Variants in AIG1 observed in about 807,000 individuals in gnomAD.
AIG1 encodes the protein androgen induced 1, also known as androgen-induced gene 1 protein.
A neutral mutation model predicts 31.4 loss-of-function variants in AIG1; 23 were observed. The observed-to-expected ratio is 0.73, with a 90% CI of 0.53 to 1.04. The LOEUF (loss-of-function observed/expected upper bound fraction) is 1.04. Ranked by LOEUF, AIG1 falls within the 50% of genes least tolerant of loss-of-function variation. The pLI, the probability that AIG1 is intolerant of heterozygous loss-of-function variation, is 0.00. For synonymous variants in AIG1, 100 were observed against 110.5 expected (o/e 0.90, Z 0.60); for missense variants, 274 against 295.0 (o/e 0.93, Z 0.52).
chr6:143,147,620 C>T (rs1784823159), intron 2 of AIG1, among the ~76,000 whole-genome samples: 1 of 151,968 alleles, frequency 6.6e-6, no homozygotes, highest in Admixed American at 6.6e-5. Context: ...GAAAATGGCC[C>T]CCAGATTCAT....
At chr6:143,188,600 C>T (rs993825012) in intron 3 of AIG1, 2 of 985,238 alleles carry the variant, frequency 2.0e-6, no homozygotes, top group Non-Finnish European at 2.4e-6. Context: ...CATCTATTCT[C>T]TTATGCCAGC....
chr6:143,247,144 T>G (rs1314339480), intron 3 of AIG1, among the ~76,000 whole-genome samples: 1 of 152,212 alleles, frequency 6.6e-6, no homozygotes, highest in Admixed American at 6.5e-5. Flanking sequence ...CCAAGATTTT[T>G]TTTTTTTAGA....
At chr6:143,073,784 G>A (rs1202389384) in intron 1 of AIG1, among the ~76,000 whole-genome samples, 2 of 152,198 alleles carry the variant, frequency 1.3e-5, no homozygotes, top group Non-Finnish European at 2.9e-5. Flanking sequence ...GGCAAAAGCA[G>A]GAGTGAGAGA....
chr6:143,319,290 C>T (rs1024675755), intron 4 of AIG1, among the ~76,000 whole-genome samples: 1 of 152,150 alleles, frequency 6.6e-6, no homozygotes, highest in African/African-American at 2.4e-5. Context: ...GAATACTACT[C>T]AGCCATAAAA....
At chr6:143,166,017 A>G (rs1786903664) in intron 3 of AIG1, among the ~76,000 whole-genome samples, 1 of 152,178 alleles carries the variant, frequency 6.6e-6, no homozygotes, top group Non-Finnish European at 1.5e-5. Context: ...GCCCATCACA[A>G]GAAATTATAG....
At chr6:143,142,107 G>A (rs868073672) in intron 2 of AIG1, among the ~76,000 whole-genome samples, 1 of 151,862 alleles carries the variant, frequency 6.6e-6, no homozygotes, top group East Asian at 1.9e-4. Flanking sequence ...GCAGGGTTTC[G>A]CCCTGTTGCC....
intron 4 of AIG1, among the ~76,000 whole-genome samples, chr6:143,306,361 T>G (rs36191213): frequency 0.26 from 40,200 of 151,870 alleles, 5,841 homozygotes; most frequent in East Asian, 0.45. Context: ...CAGTGGCTGG[T>G]ACTGGTTGTT....
At chr6:143,164,111 G>A (rs944059158) in intron 2 of AIG1, among the ~76,000 whole-genome samples, 12 of 152,122 alleles carry the variant, frequency 7.9e-5, no homozygotes, top group African/African-American at 2.9e-4. Context: ...ATGGGAGCAT[G>A]AATGAGATAT....
chr6:143,264,625 C>T (rs1796028491), intron 3 of AIG1, among the ~76,000 whole-genome samples: 1 of 152,216 alleles, frequency 6.6e-6, no homozygotes, highest in Admixed American at 6.5e-5. Flanking sequence ...GGATCATTTC[C>T]TTGAGACTCC....
intron 2 of AIG1, among the ~76,000 whole-genome samples, chr6:143,163,444 T>C (rs1786605939): frequency 6.6e-6 from 1 of 152,180 alleles, no homozygotes. Flanking sequence ...CTGTCCCAGT[T>C]ACCCAAGCCA....
At chr6:143,079,492 T>G (rs2128467314) in intron 1 of AIG1, among the ~76,000 whole-genome samples, 1 of 152,334 alleles carries the variant, frequency 6.6e-6, no homozygotes. Flanking sequence ...CTCAGGCAGT[T>G]GATTTTTGTA....
chr6:143,221,558 G>A (rs537547688), intron 3 of AIG1, among the ~76,000 whole-genome samples: 23 of 152,202 alleles, frequency 1.5e-4, no homozygotes, highest in Admixed American at 6.5e-4. Context: ...CTAATATTTA[G>A]TATGTACTGT....
intron 1 of AIG1, among the ~76,000 whole-genome samples, chr6:143,061,977 A>G (rs1439321569): frequency 6.6e-6 from 1 of 152,200 alleles, no homozygotes; most frequent in East Asian, 1.9e-4. Flanking sequence ...AACAAAAGCA[A>G]TGAAGTTCTA....
At chr6:143,316,572 C>T (rs1775759553) in intron 4 of AIG1, among the ~76,000 whole-genome samples, 1 of 152,012 alleles carries the variant, frequency 6.6e-6, no homozygotes, top group South Asian at 2.1e-4. Context: ...AAGAGACAAT[C>T]TAAGACCACA....
chr6:143,123,735 T>A (rs1348827032), intron 1 of AIG1, among the ~76,000 whole-genome samples: 1 of 152,204 alleles, frequency 6.6e-6, no homozygotes, highest in East Asian at 1.9e-4. Flanking sequence ...CTTTATAGAA[T>A]TCTGATATGA....
chr6:143,065,170 T>C (rs1157516626), intron 1 of AIG1, among the ~76,000 whole-genome samples: 1 of 152,198 alleles, frequency 6.6e-6, no homozygotes, highest in Non-Finnish European at 1.5e-5. Flanking sequence ...TTTACTTCTT[T>C]TGTGGTTTTT....
At chr6:143,121,583 AC>A (rs781757611) in intron 1 of AIG1, among the ~76,000 whole-genome samples, 4 of 152,072 alleles carry the variant, frequency 2.6e-5, no homozygotes, top group Non-Finnish European at 5.9e-5. Flanking sequence ...AGCTATTAAA[AC>A]CATTTGCTAG....
At chr6:143,163,210 T>G (rs1455743760) in intron 2 of AIG1, among the ~76,000 whole-genome samples, 1 of 152,230 alleles carries the variant, frequency 6.6e-6, no homozygotes, top group Non-Finnish European at 1.5e-5. Context: ...TGATCAGCCC[T>G]AATTGGTTTG....
At chr6:143,319,994 A>G (rs1328831788) in intron 4 of AIG1, among the ~76,000 whole-genome samples, 1 of 152,186 alleles carries the variant, frequency 6.6e-6, no homozygotes, top group East Asian at 1.9e-4. Context: ...TCCAAAATCT[A>G]TAAGGACATC....
Sources: allele counts gnomAD v4.1 joint callset (sites outside exome capture counted in the v4.1 genomes callset), GRCh38; gene constraint gnomAD v4.1.1; transcripts MANE v1.5; gene names NCBI Gene and HGNC (gene_info 2026-07-23, HGNC 2026-07-21).